Variants in LY96 observed in about 807,000 individuals in gnomAD.
LY96 encodes myeloid differentiation protein-2.
In LY96, 18 loss-of-function variants were observed where a neutral mutation model predicts 18.9. That is an observed-to-expected ratio of 0.95 (90% CI 0.66 to 1.41). The LOEUF (loss-of-function observed/expected upper bound fraction) is 1.41. Ranked by LOEUF, LY96 falls within the 40% of genes most tolerant of loss-of-function variation. The pLI, the probability that LY96 is intolerant of heterozygous loss-of-function variation, is 0.00. For synonymous variants in LY96, 66 were observed against 62.6 expected (o/e 1.06, Z -0.26); for missense variants, 175 against 182.4 (o/e 0.96, Z 0.23).
intron 1 of LY96, among the ~76,000 whole-genome samples, chr8:74,001,793 G>T (rs1451543436): frequency 6.6e-5 from 10 of 152,168 alleles, no homozygotes; most frequent in African/African-American, 2.4e-4. Context: ...AGCTATGATT[G>T]CATCACTGCA....
the LY96 span, among the ~76,000 whole-genome samples, chr8:74,037,034 T>G: frequency 2.0e-5 from 3 of 152,238 alleles, no homozygotes; most frequent in South Asian, 6.2e-4. Context: ...AACTGTGGAA[T>G]GGGTTATCAG....
chr8:74,018,989 C>T lies in LY96; in HGVS notation c.332-7800C>T, dbSNP rs1394372298. ...GAAAGCAGAAAAGATCTAAAATCGA[C>T]ACCCTAACATCACAATTAAAAGAAC... is the stretch of plus-strand genomic sequence containing the variant. On this transcript the variant is annotated intron_variant, in intron 3 of 4. Coordinates refer to ENST00000284818, the MANE Select transcript of LY96 (RefSeq NM_015364.5). Among the ~76,000 whole-genome samples, 3 of 152,242 alleles carry T rather than the reference C, an allele frequency of 2.0e-5. No homozygotes were observed. In the East Asian group the frequency reaches 5.8e-4, roughly 29 times the overall value.
chr8:74,016,132 A>G (rs984596582), intron 3 of LY96, among the ~76,000 whole-genome samples: 5 of 152,326 alleles, frequency 3.3e-5, no homozygotes, highest in African/African-American at 4.8e-5. Flanking sequence ...GACAGACTGT[A>G]CCAGGAAAAT....
chr8:74,096,040 G>C, the LY96 span, among the ~76,000 whole-genome samples: 30 of 152,330 alleles, frequency 2.0e-4, no homozygotes, highest in African/African-American at 7.0e-4. Flanking sequence ...AATTGCCTTG[G>C]AAGCATCCCT....
intron 3 of LY96, among the ~76,000 whole-genome samples, chr8:74,013,603 GTAGAGACAGGGT>G (rs1816576819): frequency 6.6e-6 from 1 of 151,892 alleles, no homozygotes; most frequent in South Asian, 2.1e-4. Flanking sequence ...TAAATTTTTT[GTAGAGACAGGGT>G]CTCACTATGT....
At chr8:74,030,284 G>A (rs946710308), downstream of LY96, among the ~76,000 whole-genome samples, 2 of 152,070 alleles carry the variant, frequency 1.3e-5, no homozygotes, top group Non-Finnish European at 2.9e-5. Context: ...AGGCTGAGGC[G>A]GGCAGATCAC....
the LY96 span, among the ~76,000 whole-genome samples, chr8:74,093,807 C>A: frequency 6.6e-6 from 1 of 152,128 alleles, no homozygotes; most frequent in Non-Finnish European, 1.5e-5. Flanking sequence ...GCTTATACAA[C>A]TCAACATCTA....
downstream of LY96, chr8:74,029,115 G>C (rs73337540): frequency 5.9e-4 from 579 of 985,148 alleles, 2 homozygotes; most frequent in African/African-American, 6.0e-3. Context: ...GGGTACCCAG[G>C]ATTTGTTTTA....
chr8:74,060,037 G>A, the LY96 span, among the ~76,000 whole-genome samples: 1 of 152,172 alleles, frequency 6.6e-6, no homozygotes, highest in Non-Finnish European at 1.5e-5. Context: ...TACTCAGGGG[G>A]CTGAGGTGAG....
chr8:74,055,531 G>C, the LY96 span, among the ~76,000 whole-genome samples: 1 of 152,062 alleles, frequency 6.6e-6, no homozygotes, highest in South Asian at 2.1e-4. Flanking sequence ...ACACAAACAC[G>C]AGACACACTA....
chr8:74,068,919 C>G, the LY96 span, among the ~76,000 whole-genome samples: 1 of 152,122 alleles, frequency 6.6e-6, no homozygotes, highest in Non-Finnish European at 1.5e-5. Context: ...CTCAGCCTCC[C>G]GAGTAGCTGG....
chr8:74,066,815 A>G, the LY96 span, among the ~76,000 whole-genome samples: 1 of 152,226 alleles, frequency 6.6e-6, no homozygotes, highest in Non-Finnish European at 1.5e-5. Flanking sequence ...GAGATTCTCC[A>G]AAGATATATC....
At chr8:74,027,238 C>G (rs1388256836) in intron 4 of LY96, among the ~76,000 whole-genome samples, 1 of 151,868 alleles carries the variant, frequency 6.6e-6, no homozygotes, top group Non-Finnish European at 1.5e-5. Context: ...TTGTGCCCAG[C>G]TGACAATTTC....
downstream of LY96, among the ~76,000 whole-genome samples, chr8:74,033,603 A>G (rs955311310): frequency 6.6e-6 from 1 of 152,220 alleles, no homozygotes; most frequent in Non-Finnish European, 1.5e-5. Flanking sequence ...GCAGTGCCTG[A>G]TAGACAGCTC....
chr8:74,084,118 C>T, the LY96 span, among the ~76,000 whole-genome samples: 302 of 151,694 alleles, frequency 2.0e-3, 2 homozygotes, highest in Non-Finnish European at 3.7e-4. Context: ...CTGATTGCTT[C>T]CTCGTGATGT....
At chr8:74,098,512 A>T in the LY96 span, among the ~76,000 whole-genome samples, 10 of 152,080 alleles carry the variant, frequency 6.6e-5, no homozygotes, top group Non-Finnish European at 4.4e-5. Flanking sequence ...AGAAGTTGGG[A>T]TTACAGGCAC....
chr8:74,040,828 A>G, the LY96 span, among the ~76,000 whole-genome samples: 1 of 146,580 alleles, frequency 6.8e-6, no homozygotes, highest in African/African-American at 2.5e-5. Context: ...TCAGCCTCCC[A>G]CGTAGCTAGG....
chr8:74,074,784 G>A, the LY96 span, among the ~76,000 whole-genome samples: 1 of 152,086 alleles, frequency 6.6e-6, no homozygotes. Context: ...CCATGTGTTT[G>A]TATAGTTTCC....
chr8:74,054,667 T>TCTTTCTTC, the LY96 span, among the ~76,000 whole-genome samples: 1 of 144,990 alleles, frequency 6.9e-6, no homozygotes, highest in Non-Finnish European at 1.5e-5. Context: ...TTTCTTTCTT[T>TCTTTCTTC]CTTTCTTTTT....
Sources: gnomAD v4.1 joint callset for allele counts (sites outside exome capture counted in the v4.1 genomes callset) on GRCh38, gnomAD v4.1.1 for gene constraint, MANE v1.5 for transcripts, NCBI Gene and HGNC (gene_info 2026-07-23, HGNC 2026-07-21) for gene names.